The following EP400 variants were observed in gnomAD, a reference collection of about 807,000 sequenced individuals.
The protein encoded by EP400 is E1A-binding protein p400.
Under a neutral mutation model 354.1 loss-of-function variants are expected in EP400, and 105 were observed. The ratio of observed to expected loss-of-function variants is 0.30; its 90% CI spans 0.25 to 0.35. EP400 has a LOEUF of 0.35. EP400 is among the 10% of genes least tolerant of loss of function. The pLI is 1.00. For synonymous variants in EP400, 1,646 were observed against 1,716.9 expected (o/e 0.96, Z 1.02); for missense variants, 3,280 against 4,121.0 (o/e 0.80, Z 5.59).
In EP400 at chr12:131,998,045, A is replaced by G. The variant is rs577803589; in HGVS notation, c.2827+3089A>G. Among the ~76,000 whole-genome samples, 62 of 152,312 alleles carry G rather than the reference A, an allele frequency of 4.1e-4. 1 individual carries two copies. Among genetic ancestry groups the G allele is most frequent in the Middle Eastern group, 3.4e-3 (1 of 294 alleles). ...TTTGGAAAGCCATATTGAAAAGCCT[A>G]TCTTTTCCCCACTGATCTTAAGTGC... On this transcript the variant is annotated intron_variant, in intron 12 of 52. Transcript: ENST00000389561.
At chr12:131,980,334 G>A (rs1285756246) in intron 3 of EP400, among the ~76,000 whole-genome samples, 1 of 152,166 alleles carries the variant, frequency 6.6e-6, no homozygotes. Context: ...TCATATATAA[G>A]TTGTTATGTC....
chr12:131,989,905 C>CT, intron 7 of EP400, 59 bp from the exon 8 acceptor site: 22 of 1,579,102 alleles, frequency 1.4e-5, no homozygotes, highest in Admixed American at 7.8e-5. Flanking sequence ...GTTACATATC[C>CT]TTTTTTTTCC....
rs549505236 is a variant in EP400, at chr12:132,070,987, A to G, written c.9021+1346A>G. ...CATTTCCTTCGTATACAGTTGTATC[A>G]CCTGTAAATCATGACGATCTACTTC... On this transcript the variant is annotated intron_variant, in intron 51 of 52. Coordinates refer to ENST00000389561, the MANE Select transcript of EP400 (RefSeq NM_015409.5). This position sits in a 1 kb window ranked among gnomAD's most constrained non-coding sequence, Gnocchi z 4.1. Among the ~76,000 whole-genome samples, 12 of 152,274 alleles carry G rather than the reference A, an allele frequency of 7.9e-5. No homozygotes were observed. The South Asian group carries it at 1.9e-3, about 24-fold the overall frequency.
intron 48 of EP400, chr12:132,066,543 T>C (rs1037982690): frequency 9.7e-6 from 5 of 517,720 alleles, no homozygotes; most frequent in Non-Finnish European, 1.7e-5. Context: ...CGCAGCAGCA[T>C]GTGTGATGAG....
At chr12:132,044,131 G>C in intron 34 of EP400, 46 bp from the exon 35 acceptor site, 3 of 1,607,974 alleles carry the variant, frequency 1.9e-6, no homozygotes, top group Non-Finnish European at 2.6e-6. Context: ...GGGCTGCTCT[G>C]AGCTGCACTC....
Position 132,027,345 on chromosome 12 carries a change from G to C in EP400, c.5015-92G>C, listed in dbSNP as rs1894340235. ...GAATGACTTTCTGTGGAGTGTGCTG[G>C]TGGAGGGTGAGGTTCCATGGAGCAT... On this transcript the variant is annotated intron_variant, in intron 25 of 52. Transcript: ENST00000389561. This position sits in a 1 kb window ranked among gnomAD's most constrained non-coding sequence, Gnocchi z 4.9. The C allele has an allele frequency of 3.1e-6, 4 of 1,271,786 alleles. No homozygotes were observed. The highest frequency in any genetic ancestry group is 3.6e-5 in the Admixed American group (2 of 56,090). The allele number at this position is 1,271,786 out of a possible 1,614,324, so 78.8% of individuals were successfully genotyped here. A position where few individuals can be genotyped will look rare whatever the true frequency, so the allele number is the denominator to read the frequency against.
chr12:131,991,900 C>T (rs1189073796), intron 10 of EP400, among the ~76,000 whole-genome samples: 2 of 152,172 alleles, frequency 1.3e-5, no homozygotes, highest in Admixed American at 6.5e-5. Context: ...TACTCCCTTT[C>T]ATTATAGACT....
chr12:132,014,914 C>T (rs1893877525), intron 19 of EP400, among the ~76,000 whole-genome samples: 1 of 152,180 alleles, frequency 6.6e-6, no homozygotes, highest in Admixed American at 6.5e-5. Flanking sequence ...GCTAGCCACA[C>T]CCCACCCCCC....
intron 1 of EP400, among the ~76,000 whole-genome samples, chr12:131,950,254 G>T (rs1033259902): frequency 7.9e-5 from 12 of 152,002 alleles, no homozygotes; most frequent in Admixed American, 2.6e-4. Context: ...GAGTCGTAGC[G>T]CCCGTCCCCC....
intron 19 of EP400, among the ~76,000 whole-genome samples, chr12:132,016,216 A>T (rs937834212): frequency 2.0e-5 from 3 of 152,136 alleles, no homozygotes; most frequent in Non-Finnish European, 4.4e-5. Flanking sequence ...CCAGGCTCAC[A>T]GGAGCTCTCC....
intron 39 of EP400, among the ~76,000 whole-genome samples, chr12:132,048,973 C>G (rs148445415): frequency 3.7e-4 from 57 of 152,322 alleles, no homozygotes; most frequent in Admixed American, 1.0e-3. Flanking sequence ...AGAATTTTCT[C>G]CAGGGCCTCT....
rs1196056679 is a variant in EP400, at chr12:132,054,908, C to T, written c.7729-66C>T. The T allele has an allele frequency of 4.6e-6, 7 of 1,519,442 alleles. No homozygotes were observed. The highest frequency in any genetic ancestry group is 5.5e-6 in the Non-Finnish European group (6 of 1,096,708). 94.1% of individuals were successfully genotyped at this position (1,519,442 alleles called of 1,614,324 possible). A position where few individuals can be genotyped will look rare whatever the true frequency, so the allele number is the denominator to read the frequency against. On this transcript the variant is annotated intron_variant, in intron 43 of 52. Transcript: ENST00000389561. This position sits in a 1 kb window ranked among gnomAD's most constrained non-coding sequence, Gnocchi z 4.0. ...ATTTGATTCTGAATGAAGTGGAAGC[C>T]TTTGGAGGATTTATGCAGGGGAGAG...
chr12:132,005,653 G>A (rs1893554838), intron 13 of EP400, among the ~76,000 whole-genome samples: 1 of 152,168 alleles, frequency 6.6e-6, no homozygotes, highest in African/African-American at 2.4e-5. Flanking sequence ...GCCTTGGGGA[G>A]GTCAGGCCTT....
At chr12:132,015,058 G>T (rs925213220) in intron 19 of EP400, among the ~76,000 whole-genome samples, 2 of 152,226 alleles carry the variant, frequency 1.3e-5, no homozygotes, top group African/African-American at 2.4e-5. Context: ...TCATGGGCTC[G>T]CCAGGGTTCT....
chr12:132,044,253 G>T lies in EP400; in HGVS notation c.6527G>T (p.Arg2176Leu), dbSNP rs757423118. 2 of 1,614,046 alleles carry T rather than the reference G, an allele frequency of 1.2e-6. No homozygotes were observed. Among genetic ancestry groups the T allele is most frequent in the African/African-American group, 2.7e-5 (2 of 74,954 alleles). The change falls in exon 35 of 53, where the codon CGG becomes CTG. Residue 2176 changes from arginine to leucine, a missense_variant. This residue lies in a region of EP400 where 231 missense variants were observed against 257.9 expected (regional missense o/e 0.90). Transcript: ENST00000389561. Reference protein sequence around the residue: ...KTLQEREARLRLEQEEAELLT... With the variant: ...KTLQEREARLLLEQEEAELLT... ...CTGCAGGAGAGGGAGGCCCGGCTGCGGCTGGAGCAGGAGGAGGCGGAGCTC... is the reference window on the plus strand; with the variant it reads ...CTGCAGGAGAGGGAGGCCCGGCTGCTGCTGGAGCAGGAGGAGGCGGAGCTC...
Position 131,982,367 on chromosome 12 carries a change from G to T in EP400, c.1818G>T (p.Pro606=). The change falls in exon 5 of 53, where the codon CCG becomes CCT. Residue 606 remains proline, a synonymous_variant. Transcript: ENST00000389561. Reference sequence around the variant, plus strand: ...AGCCCAATGTTCCCATCCCTGCACCGCCCAGCAGCCAACTCCCCATCCCTC... The same window carrying T: ...AGCCCAATGTTCCCATCCCTGCACCTCCCAGCAGCCAACTCCCCATCCCTC... ...TQQPNVPIPA[P]PSSQLPIPPS... The T allele has an allele frequency of 6.2e-7, 1 of 1,614,092 alleles. No individual in the cohort carries two copies. Among genetic ancestry groups the T allele is most frequent in the East Asian group, 2.2e-5 (1 of 44,872 alleles).
intron 2 of EP400, among the ~76,000 whole-genome samples, chr12:131,972,460 A>G (rs1259017729): frequency 2.0e-5 from 3 of 151,758 alleles, no homozygotes; most frequent in South Asian, 2.1e-4. Flanking sequence ...GCCGAGTTTT[A>G]TTACTAATAG....
chr12:131,960,492 A>G, intron 1 of EP400, 93 bp from the exon 2 acceptor site: 1 of 1,192,956 alleles, frequency 8.4e-7, no homozygotes, highest in Non-Finnish European at 1.2e-6. Context: ...TGCGGTGGGA[A>G]TGTACTTTCA....
rs1298036844 is a variant in EP400 at position 131,960,750 on chromosome 12, C to T, written c.131C>T (p.Pro44Leu). The T allele has an allele frequency of 1.9e-6, 3 of 1,609,396 alleles. No homozygotes were observed. In the African/African-American group the frequency reaches 4.0e-5, roughly 22 times the overall value. Residue 44 changes from proline (P) to leucine (L), a missense_variant, in exon 2 of 53, where the codon CCC becomes CTC. By Grantham distance (98) the Pro-to-Leu change is moderately conservative (BLOSUM62 -3). Transcript: ENST00000389561. The part of the protein sequence containing the change: ...PPPSPAAPFA[P>L]SASPSAPQSP... ...CCGTCCCCCGCAGCTCCCTTCGCTC[C>T]CTCAGCAAGCCCGTCGGCACCCCAG...
Sources: gnomAD v4.1 joint callset for allele counts (sites outside exome capture counted in the v4.1 genomes callset) on GRCh38, gnomAD v4.1.1 for gene constraint, gnomAD v4.1.1 regional missense constraint, Gnocchi (gnomAD v3.1) non-coding constraint, MANE v1.5 for transcripts, NCBI Gene and HGNC (gene_info 2026-07-23, HGNC 2026-07-21) for gene names.